LHFPL3: variants seen among roughly 807,000 people sequenced by gnomAD.
LHFPL3 encodes LHFPL tetraspan subfamily member 3 protein.
A neutral mutation model predicts 19.3 loss-of-function variants in LHFPL3; 5 were observed. The ratio of observed to expected loss-of-function variants is 0.26; its 90% CI spans 0.14 to 0.54. LHFPL3 has a LOEUF of 0.54. LHFPL3 is among the 20% of genes least tolerant of loss of function. LHFPL3 has a pLI of 0.94. For missense variants in LHFPL3, 249 were observed against 307.4 expected, an observed-to-expected ratio of 0.81 and a Z score of 1.42; for synonymous variants, 133 against 126.2, an observed-to-expected ratio of 1.05 and a Z score of -0.36.
intron 2 of LHFPL3, among the ~76,000 whole-genome samples, chr7:104,849,504 G>T (rs1008159487): frequency 3.3e-5 from 5 of 152,128 alleles, no homozygotes; most frequent in Non-Finnish European, 5.9e-5. Flanking sequence ...CCCACTTAAG[G>T]TTCACTGAAA....
Position 104,589,321 on chromosome 7 carries a change from A to G in LHFPL3, c.446-147354A>G, listed in dbSNP as rs531223259. 2.1e-3 allele frequency among the ~76,000 whole-genome samples: 316 copies of G among 152,286 alleles called. 2 individuals are homozygous for G. Among genetic ancestry groups the G allele is most frequent in the African/African-American group, 7.5e-3 (310 of 41,556 alleles). On this transcript the variant is annotated intron_variant, in intron 1 of 2. Transcript: ENST00000424859. ...AGTTTATTGAGAGTTTTTAGCATGA[A>G]GGGCTGTTGAATTTTGTCAAAGGAC...
intron 1 of LHFPL3, among the ~76,000 whole-genome samples, chr7:104,365,787 C>CAAAAAAAAAAAATAAATAAATAAAATA (rs1790477374): frequency 1.0e-4 from 5 of 49,962 alleles, no homozygotes; most frequent in African/African-American, 4.1e-4. Context: ...GACTCCGTCT[C>CAAAAAAAAAAAATAAATAAATAAAATA]AAAAAAAAAA....
chr7:104,667,972 C>T, intron 1 of LHFPL3: 1 of 1,613,488 alleles, frequency 6.2e-7, no homozygotes, highest in Non-Finnish European at 8.5e-7. Context: ...ATCCTTCCCA[C>T]TGCTCCACGG....
intron 1 of LHFPL3, among the ~76,000 whole-genome samples, chr7:104,354,263 A>G (rs1790231076): frequency 6.6e-6 from 1 of 152,224 alleles, no homozygotes; most frequent in South Asian, 2.1e-4. Context: ...AGTTGCGTCC[A>G]CCACATTTCC....
chr7:104,371,981 TGCTAACG>T (rs1194202182), intron 1 of LHFPL3, among the ~76,000 whole-genome samples: 1 of 152,236 alleles, frequency 6.6e-6, no homozygotes, highest in Non-Finnish European at 1.5e-5. Flanking sequence ...ATGGATGGAT[TGCTAACG>T]GCCAGTTAAT....
chr7:104,509,677 A>G (rs1450935266), intron 1 of LHFPL3, among the ~76,000 whole-genome samples: 2 of 152,112 alleles, frequency 1.3e-5, no homozygotes, highest in Non-Finnish European at 2.9e-5. Context: ...ACCAAGAGCA[A>G]GGCAAGGATG....
intron 2 of LHFPL3, among the ~76,000 whole-genome samples, chr7:104,743,808 G>T (rs375959589): frequency 6.6e-6 from 1 of 152,036 alleles, no homozygotes; most frequent in Admixed American, 6.6e-5. Flanking sequence ...CAAGTTCTTT[G>T]TTTTACACAG....
At chr7:104,512,485 C>G (rs1205084701) in intron 1 of LHFPL3, among the ~76,000 whole-genome samples, 1 of 151,800 alleles carries the variant, frequency 6.6e-6, no homozygotes, top group African/African-American at 2.4e-5. Context: ...GCCTGTAATC[C>G]CAACACTTTG....
intron 1 of LHFPL3, among the ~76,000 whole-genome samples, chr7:104,665,187 TG>T (rs1161965142): frequency 1.3e-5 from 2 of 152,272 alleles, no homozygotes; most frequent in Admixed American, 6.5e-5. Flanking sequence ...CAATAGGTCA[TG>T]TTTTTATGGA....
chr7:104,873,584 C>A (rs191311584), intron 2 of LHFPL3, among the ~76,000 whole-genome samples: 1 of 152,118 alleles, frequency 6.6e-6, no homozygotes, highest in African/African-American at 2.4e-5. Flanking sequence ...GCTACGATCA[C>A]GTCGCTGCAC....
chr7:104,851,817 T>C (rs1791419624), intron 2 of LHFPL3, among the ~76,000 whole-genome samples: 1 of 152,112 alleles, frequency 6.6e-6, no homozygotes, highest in Non-Finnish European at 1.5e-5. Context: ...ACCCGTGACC[T>C]AAGATCCACA....
chr7:104,504,443 G>C (rs1793658834), intron 1 of LHFPL3, among the ~76,000 whole-genome samples: 2 of 152,078 alleles, frequency 1.3e-5, no homozygotes, highest in African/African-American at 4.8e-5. Flanking sequence ...TCACTTATGT[G>C]TTTCCCTTAT....
intron 1 of LHFPL3, among the ~76,000 whole-genome samples, chr7:104,441,897 G>A (rs1256194574): frequency 1.3e-5 from 2 of 152,000 alleles, no homozygotes; most frequent in African/African-American, 4.8e-5. Flanking sequence ...TAATTCTTCT[G>A]GATATCTGCC....
At chr7:104,739,245 G>T (rs1040556452) in intron 2 of LHFPL3, among the ~76,000 whole-genome samples, 2 of 152,156 alleles carry the variant, frequency 1.3e-5, no homozygotes, top group African/African-American at 4.8e-5. Flanking sequence ...ATTTACACTT[G>T]CTATACAAAG....
intron 1 of LHFPL3, among the ~76,000 whole-genome samples, chr7:104,393,624 G>A (rs1791122982): frequency 6.6e-6 from 1 of 152,132 alleles, no homozygotes; most frequent in Non-Finnish European, 1.5e-5. Context: ...GCTGAGGCAA[G>A]AGAATCACTT....
chr7:104,720,802 G>A (rs1434147651), intron 1 of LHFPL3, among the ~76,000 whole-genome samples: 1 of 152,174 alleles, frequency 6.6e-6, no homozygotes, highest in African/African-American at 2.4e-5. Context: ...CATCATCACT[G>A]GTCATCAGAG....
chr7:104,674,278 TAA>T (rs56387626), intron 1 of LHFPL3, among the ~76,000 whole-genome samples: 2 of 150,964 alleles, frequency 1.3e-5, no homozygotes, highest in African/African-American at 2.4e-5. Flanking sequence ...GATTTAAAAG[TAA>T]AAAAAAAATC....
At chr7:104,738,368 C>G (rs932724377) in intron 2 of LHFPL3, among the ~76,000 whole-genome samples, 1 of 152,130 alleles carries the variant, frequency 6.6e-6, no homozygotes, top group Non-Finnish European at 1.5e-5. Context: ...GTTAACTTTA[C>G]TTCAAATGTA....
At chr7:104,458,748 T>A (rs1423710476) in intron 1 of LHFPL3, among the ~76,000 whole-genome samples, 1 of 151,912 alleles carries the variant, frequency 6.6e-6, no homozygotes, top group East Asian at 1.9e-4. Context: ...AACCTTTATG[T>A]GGTGTTATTG....
Sources: allele counts gnomAD v4.1 joint callset (sites outside exome capture counted in the v4.1 genomes callset), GRCh38; gene constraint gnomAD v4.1.1; transcripts MANE v1.5; gene names NCBI Gene and HGNC (gene_info 2026-07-23, HGNC 2026-07-21).